Variants in TENM4 observed in about 807,000 individuals in gnomAD.
TENM4 encodes the protein teneurin transmembrane protein 4.
In TENM4, 82 loss-of-function variants were observed where a neutral mutation model predicts 243.3. The observed-to-expected ratio is 0.34, with a 90% CI of 0.28 to 0.40. TENM4 has a LOEUF of 0.40. TENM4 is among the 10% of genes least tolerant of loss of function. The pLI is 1.00. For synonymous variants in TENM4, 1,412 were observed against 1,456.3 expected (o/e 0.97, Z 0.69); for missense variants, 3,138 against 3,673.3 (o/e 0.85, Z 3.77).
chr11:79,327,091 A>G (rs1325838297), intron 1 of TENM4, among the ~76,000 whole-genome samples: 2 of 152,228 alleles, frequency 1.3e-5, no homozygotes, highest in Non-Finnish European at 2.9e-5. Flanking sequence ...AAAACAGAAC[A>G]TTAATCTCCA....
At chr11:78,955,624 G>C (rs148019952) in intron 6 of TENM4, among the ~76,000 whole-genome samples, 1 of 152,298 alleles carries the variant, frequency 6.6e-6, no homozygotes, top group East Asian at 1.9e-4. Flanking sequence ...GAAATTAGTG[G>C]AAAAGGAACT....
At chr11:79,001,291 G>A (rs1298145843) in intron 6 of TENM4, among the ~76,000 whole-genome samples, 1 of 152,168 alleles carries the variant, frequency 6.6e-6, no homozygotes, top group Non-Finnish European at 1.5e-5. Flanking sequence ...TCTTCAGAGG[G>A]AAGACATTGA....
At chr11:78,936,573 T>A (rs1299445047) in intron 6 of TENM4, among the ~76,000 whole-genome samples, 2 of 152,176 alleles carry the variant, frequency 1.3e-5, no homozygotes, top group Non-Finnish European at 2.9e-5. Flanking sequence ...AGTACCTAAA[T>A]ATACTATGTG....
At chr11:78,774,592 A>T (rs1856705008) in intron 17 of TENM4, among the ~76,000 whole-genome samples, 1 of 152,244 alleles carries the variant, frequency 6.6e-6, no homozygotes. Context: ...GCCTGCATGT[A>T]GCAGACACTC....
chr11:78,730,804 C>T (rs1235078125), intron 21 of TENM4, among the ~76,000 whole-genome samples: 2 of 152,102 alleles, frequency 1.3e-5, no homozygotes, highest in Admixed American at 6.6e-5. Context: ...GAACGTTTAC[C>T]CTCACCCCAT....
At chr11:79,126,304 G>A (rs571804696) in intron 4 of TENM4, among the ~76,000 whole-genome samples, 2 of 152,200 alleles carry the variant, frequency 1.3e-5, no homozygotes, top group Non-Finnish European at 1.5e-5. Context: ...ACCAATGCTT[G>A]TGAAATAGAT....
chr11:79,125,994 A>C (rs746775908), intron 4 of TENM4, among the ~76,000 whole-genome samples: 4 of 152,200 alleles, frequency 2.6e-5, no homozygotes, highest in Non-Finnish European at 4.4e-5. Flanking sequence ...GTGTAGGATA[A>C]TGGTAGAAGA....
intron 1 of TENM4, among the ~76,000 whole-genome samples, chr11:79,400,092 ACACACAC>A (rs1192108769): frequency 3.3e-5 from 4 of 120,206 alleles, no homozygotes; most frequent in Non-Finnish European, 6.6e-5. Context: ...AGACACATAA[ACACACAC>A]CACACACACA....
rs553544129 is a variant in TENM4, at chr11:78,803,227, A to G, written c.2179+2065T>C. 2.2e-4 allele frequency among the ~76,000 whole-genome samples: 33 copies of G among 152,050 alleles called. No individual in the cohort carries two copies. In the Middle Eastern group the frequency reaches 0.01, roughly 47 times the overall value. ...GTAGTTTTAGTGGAGACGGGGTTTC[A>G]CCATCTTGGCCAGGCTGGTCTTGAA... On this transcript the variant is annotated intron_variant, in intron 15 of 33. Transcript: ENST00000278550.
At chr11:78,995,053 A>G (rs1858138056) in intron 6 of TENM4, among the ~76,000 whole-genome samples, 1 of 152,202 alleles carries the variant, frequency 6.6e-6, no homozygotes, top group Non-Finnish European at 1.5e-5. Flanking sequence ...TTATGCCAAG[A>G]GTGCTATCGG....
chr11:79,181,309 T>C (rs1863277659), intron 3 of TENM4, among the ~76,000 whole-genome samples: 1 of 152,116 alleles, frequency 6.6e-6, no homozygotes, highest in Admixed American at 6.6e-5. Context: ...ATTAATATAA[T>C]CCACCACATC....
At chr11:79,226,949 A>G (rs1025542584) in intron 2 of TENM4, among the ~76,000 whole-genome samples, 2 of 152,114 alleles carry the variant, frequency 1.3e-5, no homozygotes, top group Non-Finnish European at 2.9e-5. Context: ...ACACTTGTCT[A>G]TTTGCTCCCA....
intron 2 of TENM4, among the ~76,000 whole-genome samples, chr11:79,256,025 G>T (rs371829829): frequency 6.6e-6 from 1 of 152,126 alleles, no homozygotes; most frequent in Non-Finnish European, 1.5e-5. Flanking sequence ...TTTGACTTCC[G>T]GTTAGGGTTA....
chr11:79,403,488 A>T, intron 1 of TENM4, among the ~76,000 whole-genome samples: 1 of 152,188 alleles, frequency 6.6e-6, no homozygotes, highest in East Asian at 1.9e-4. Context: ...GGAAGGGACC[A>T]AAAGGGGCAA....
chr11:79,425,513 TC>T (rs1859030135), intron 1 of TENM4, among the ~76,000 whole-genome samples: 1 of 151,690 alleles, frequency 6.6e-6, no homozygotes. Context: ...TTCTCCTGAG[TC>T]CTAGAAAAGT....
At chr11:78,988,433 G>T (rs780310129) in intron 6 of TENM4, among the ~76,000 whole-genome samples, 20 of 152,186 alleles carry the variant, frequency 1.3e-4, no homozygotes, top group Non-Finnish European at 2.4e-4. Flanking sequence ...GTTGTGCTAA[G>T]CAGCTACATT....
chr11:78,950,371 A>G (rs562751730), intron 6 of TENM4, among the ~76,000 whole-genome samples: 28 of 152,114 alleles, frequency 1.8e-4, no homozygotes, highest in Admixed American at 1.8e-3. Flanking sequence ...GCAGCAGGGT[A>G]GGGTATAGTG....
At chr11:78,855,164 G>A (rs551300090) in intron 11 of TENM4, among the ~76,000 whole-genome samples, 9 of 152,314 alleles carry the variant, frequency 5.9e-5, no homozygotes, top group African/African-American at 2.2e-4. Flanking sequence ...GCAGTCAACA[G>A]GGTCTCAAGG....
intron 18 of TENM4, among the ~76,000 whole-genome samples, chr11:78,760,508 A>C (rs929222393): frequency 6.6e-6 from 1 of 152,204 alleles, no homozygotes; most frequent in Admixed American, 6.5e-5. Context: ...TGAAGCACAA[A>C]ACTTCCCTTG....
Sources: gnomAD v4.1 joint callset for allele counts (sites outside exome capture counted in the v4.1 genomes callset) on GRCh38, gnomAD v4.1.1 for gene constraint, MANE v1.5 for transcripts, NCBI Gene and HGNC (gene_info 2026-07-23, HGNC 2026-07-21) for gene names.